Variants in PCSK2 observed in about 807,000 individuals in gnomAD.
PCSK2 encodes the protein proprotein convertase subtilisin/kexin type 2.
A neutral mutation model predicts 69.7 loss-of-function variants in PCSK2; 14 were observed. The ratio of observed to expected loss-of-function variants is 0.20; its 90% CI spans 0.13 to 0.31. The LOEUF is 0.31. Ranked by LOEUF, PCSK2 falls within the 10% of genes least tolerant of loss-of-function variation. The pLI is 1.00. For synonymous variants in PCSK2, 307 were observed against 320.7 expected, an observed-to-expected ratio of 0.96 and a Z score of 0.46; for missense variants, 544 against 842.5, an observed-to-expected ratio of 0.65 and a Z score of 4.39.
At chr20:17,337,680 T>G (rs760728136) in intron 2 of PCSK2, among the ~76,000 whole-genome samples, 1 of 151,934 alleles carries the variant, frequency 6.6e-6, no homozygotes, top group Non-Finnish European at 1.5e-5. Context: ...ATCACAACAT[T>G]TTGGGAGTCC....
intron 10 of PCSK2, 95 bp from the exon 11 acceptor site, chr20:17,465,231 G>A: frequency 1.2e-6 from 1 of 866,372 alleles, no homozygotes; most frequent in South Asian, 1.4e-5. Context: ...AGAGGTCTGT[G>A]TCCTGAGTAA....
intron 2 of PCSK2, among the ~76,000 whole-genome samples, chr20:17,357,877 A>G (rs2030256641): frequency 1.3e-5 from 2 of 151,086 alleles, no homozygotes; most frequent in African/African-American, 4.9e-5. Context: ...CTGGGCAACA[A>G]GAGCGAAACT....
intron 8 of PCSK2, among the ~76,000 whole-genome samples, chr20:17,442,253 T>C (rs745461055): frequency 2.6e-5 from 4 of 151,648 alleles, no homozygotes; most frequent in Non-Finnish European, 5.9e-5. Flanking sequence ...ATTCTATTCC[T>C]AGAAGTTCTG....
At chr20:17,254,341 G>C (rs1987100976) in intron 1 of PCSK2, among the ~76,000 whole-genome samples, 1 of 152,032 alleles carries the variant, frequency 6.6e-6, no homozygotes, top group Admixed American at 6.5e-5. Context: ...TTACATTTGG[G>C]ACTACTAATC....
intron 2 of PCSK2, among the ~76,000 whole-genome samples, chr20:17,341,416 G>A (rs1043231744): frequency 6.6e-6 from 1 of 152,218 alleles, no homozygotes; most frequent in East Asian, 1.9e-4. Flanking sequence ...GAAGTGAAGC[G>A]GGCCGCCCCC....
intron 6 of PCSK2, among the ~76,000 whole-genome samples, chr20:17,422,085 G>A (rs996019151): frequency 6.6e-6 from 1 of 152,050 alleles, no homozygotes; most frequent in East Asian, 1.9e-4. Flanking sequence ...AAAAACAAAA[G>A]CATGGACATG....
chr20:17,350,326 G>A (rs1359068726), intron 2 of PCSK2, among the ~76,000 whole-genome samples: 1 of 151,262 alleles, frequency 6.6e-6, no homozygotes, highest in Non-Finnish European at 1.5e-5. Context: ...GGACATCATA[G>A]ATTAATAAAC....
chr20:17,472,598 G>T (rs896636469), intron 11 of PCSK2, among the ~76,000 whole-genome samples: 12 of 152,070 alleles, frequency 7.9e-5, no homozygotes, highest in African/African-American at 2.9e-4. Context: ...ACAGAGTCTT[G>T]CTCTGTGGCC....
At chr20:17,467,063 C>T (rs117884817) in intron 11 of PCSK2, among the ~76,000 whole-genome samples, 2,913 of 152,316 alleles carry the variant, frequency 0.019, 32 homozygotes, top group Middle Eastern at 0.041. Flanking sequence ...CGAGGACCAT[C>T]GAGCCTGGCC....
intron 5 of PCSK2, among the ~76,000 whole-genome samples, chr20:17,392,339 G>A (rs1212364785): frequency 6.6e-6 from 1 of 152,166 alleles, no homozygotes; most frequent in Non-Finnish European, 1.5e-5. Flanking sequence ...CCTAAAAAAG[G>A]CTTGAAAGAA....
At chr20:17,263,201 T>C (rs1987459820) in intron 2 of PCSK2, 10 of 865,258 alleles carry the variant, frequency 1.2e-5, no homozygotes, top group Non-Finnish European at 1.2e-5. Flanking sequence ...ATTTCAATGA[T>C]GTTTGCCTCT....
At chr20:17,410,484 G>A (rs1011283665) in intron 6 of PCSK2, among the ~76,000 whole-genome samples, 7 of 152,076 alleles carry the variant, frequency 4.6e-5, no homozygotes, top group Non-Finnish European at 7.4e-5. Context: ...CAGGTTCTGA[G>A]TACAAATGCA....
rs575170406 is a variant in PCSK2 at position 17,351,353 on chromosome 20, G to A, written c.283-6974G>A. On this transcript the variant is annotated intron_variant, in intron 2 of 11. Transcript: ENST00000262545. The stretch of plus-strand genomic sequence containing the variant: ...ACTCCTCTCTAACTTATTCTACAAA[G>A]CCAGCATCACCATGATACCAAAATC... Among the ~76,000 whole-genome samples, 22 of 152,182 alleles carry A rather than the reference G, an allele frequency of 1.4e-4. No homozygotes were observed. The South Asian group carries it at 4.6e-3, about 32-fold the overall frequency.
intron 5 of PCSK2, among the ~76,000 whole-genome samples, chr20:17,391,862 C>G (rs911655292): frequency 8.1e-6 from 1 of 123,340 alleles, no homozygotes; most frequent in Non-Finnish European, 1.6e-5. Context: ...CAGAGTGATA[C>G]CATGTGAAAG....
intron 2 of PCSK2, among the ~76,000 whole-genome samples, chr20:17,287,324 G>A (rs1988547257): frequency 1.3e-5 from 2 of 152,102 alleles, no homozygotes; most frequent in African/African-American, 2.4e-5. Context: ...GAGAAAGTGG[G>A]GAGTCTACAA....
intron 4 of PCSK2, among the ~76,000 whole-genome samples, chr20:17,362,491 TG>T (rs779892326): frequency 2.6e-5 from 4 of 152,188 alleles, no homozygotes; most frequent in Non-Finnish European, 5.9e-5. Context: ...AAGTTGACCC[TG>T]GAGTCAACTA....
At chr20:17,415,733 T>C (rs6105752) in intron 6 of PCSK2, among the ~76,000 whole-genome samples, 73,506 of 152,050 alleles carry the variant, frequency 0.48, 18,894 homozygotes, top group South Asian at 0.65. Context: ...AAAACAATCC[T>C]ATGCCAAAAG....
intron 2 of PCSK2, among the ~76,000 whole-genome samples, chr20:17,289,650 A>G (rs1040588986): frequency 3.9e-5 from 6 of 152,320 alleles, no homozygotes; most frequent in African/African-American, 1.4e-4. Flanking sequence ...ACCCATACCC[A>G]AAGCTAAACA....
At chr20:17,289,520 T>C (rs1988625271) in intron 2 of PCSK2, among the ~76,000 whole-genome samples, 1 of 152,182 alleles carries the variant, frequency 6.6e-6, no homozygotes, top group Non-Finnish European at 1.5e-5. Context: ...TATTAATTTT[T>C]AAAAACTGAA....
Sources: allele counts gnomAD v4.1 joint callset (sites outside exome capture counted in the v4.1 genomes callset), GRCh38; gene constraint gnomAD v4.1.1; transcripts MANE v1.5; gene names NCBI Gene and HGNC (gene_info 2026-07-23, HGNC 2026-07-21).